The following CSNK1A1 variants were observed in gnomAD, a reference collection of about 807,000 sequenced individuals.
The protein encoded by CSNK1A1 is casein kinase 1 alpha 1.
In CSNK1A1, 7 loss-of-function variants were observed where a neutral mutation model predicts 46.1. The observed-to-expected ratio is 0.15, with a 90% CI of 0.09 to 0.29. The LOEUF (loss-of-function observed/expected upper bound fraction) is 0.29, where lower values mean the gene tolerates loss of function less well. Among genes scored for constraint, CSNK1A1 ranks in the 10% least tolerant of loss-of-function variants. CSNK1A1 has a pLI of 1.00. For missense variants in CSNK1A1, 96 were observed against 417.1 expected (o/e 0.23, Z 6.71); for synonymous variants, 137 against 141.5 (o/e 0.97, Z 0.23).
Position 149,544,735 on chromosome 5 carries a change from CTTTATATATA to C in CSNK1A1, c.230+5330_230+5339del, listed in dbSNP as rs1301089394. ...AAGTGAGGATGATGAGGGTAAAGAG[CTTTATATATA>C]TATATATATATATATATATAGTTAT... On this transcript the variant is annotated intron_variant, in intron 2 of 9. Transcript: ENST00000377843. Among the ~76,000 whole-genome samples, 45 of 21,690 alleles carry C rather than the reference CTTTATATATA, an allele frequency of 2.1e-3. 5 individuals are homozygous for C. Among genetic ancestry groups the C allele is most frequent in the African/African-American group, 0.01 (45 of 4,334 alleles). 14.2% of individuals were successfully genotyped at this position (21,690 alleles called of 152,430 possible). A position where few individuals can be genotyped will look rare whatever the true frequency, so the allele number is the denominator to read the frequency against.
chr5:149,511,976 C>T (rs1761238757), intron 5 of CSNK1A1, 104 bp from the exon 6 acceptor site: 1 of 851,524 alleles, frequency 1.2e-6, no homozygotes, highest in South Asian at 1.7e-5. Context: ...GAGGAGGGAA[C>T]ACTATTTGGT....
At position 149,550,741 on chromosome 5, in the gene CSNK1A1, G is replaced by T; in HGVS notation, c.123+101C>A. 6.6e-7 allele frequency: 1 copy of T among 1,517,824 alleles called. No homozygotes were observed. Among genetic ancestry groups the T allele is most frequent in the Non-Finnish European group, 9.0e-7 (1 of 1,115,504 alleles). 94.0% of individuals were successfully genotyped at this position (1,517,824 alleles called of 1,614,324 possible). A position where few individuals can be genotyped will look rare whatever the true frequency, so the allele number is the denominator to read the frequency against. ...GCTCCCTGGACTCCCTGGCGAGTGC[G>T]TGCGATGAGGAGAGGCCCGAGCACT... On this transcript the variant is annotated intron_variant, in intron 1 of 9. Coordinates refer to ENST00000377843, the MANE Select transcript of CSNK1A1 (RefSeq NM_001892.6). This position sits in a 1 kb window ranked among gnomAD's most constrained non-coding sequence, Gnocchi z 4.3.
chr5:149,526,283 G>A (rs376696552), intron 2 of CSNK1A1, among the ~76,000 whole-genome samples: 16 of 152,076 alleles, frequency 1.1e-4, no homozygotes, highest in African/African-American at 3.1e-4. Context: ...GACCACAGGC[G>A]TGCCATCATG....
intron 2 of CSNK1A1, among the ~76,000 whole-genome samples, chr5:149,540,666 T>C (rs1274814536): frequency 6.6e-6 from 1 of 151,744 alleles, no homozygotes; most frequent in Admixed American, 6.6e-5. Flanking sequence ...ATAAATAAAA[T>C]AAAACTAACA....
rs1335440715 is a variant in CSNK1A1, at chr5:149,495,862, G to A, written c.*991C>T. 6.6e-6 allele frequency: 1 copy of A among 151,510 alleles called. No individual in the cohort carries two copies. The highest frequency in any genetic ancestry group is 1.5e-5 in the Non-Finnish European group (1 of 67,848). The allele number at this position is 151,510 out of a possible 1,614,324, so 9.4% of individuals were successfully genotyped here. On this transcript the variant is annotated 3_prime_UTR_variant, in exon 10 of 10. Coordinates refer to ENST00000377843, the MANE Select transcript of CSNK1A1 (RefSeq NM_001892.6). ...AAAGTTATAACACGAAACCTAAATT[G>A]ACTTGCAAAGGAATACCATGTAACA...
At chr5:149,545,894 C>CTTT (rs201438979) in intron 2 of CSNK1A1, 3 of 233,396 alleles carry the variant, frequency 1.3e-5, no homozygotes, top group East Asian at 2.5e-4. Flanking sequence ...CTTATCCTTG[C>CTTT]TTTTTTTTTT....
At chr5:149,535,759 A>T (rs1398224343) in intron 2 of CSNK1A1, among the ~76,000 whole-genome samples, 3 of 152,242 alleles carry the variant, frequency 2.0e-5, no homozygotes, top group Non-Finnish European at 2.9e-5. Flanking sequence ...CTCCTGCCTC[A>T]GCCTCCTGAG....
chr5:149,533,650 A>T (rs1042311655), intron 2 of CSNK1A1, among the ~76,000 whole-genome samples: 4 of 152,008 alleles, frequency 2.6e-5, no homozygotes, highest in African/African-American at 9.7e-5. Context: ...CAAAGATCAC[A>T]AATAATTGAG....
At chr5:149,542,612 A>G (rs192072277) in intron 2 of CSNK1A1, among the ~76,000 whole-genome samples, 24 of 11,488 alleles carry the variant, frequency 2.1e-3, no homozygotes, top group African/African-American at 4.7e-3. Context: ...ATATATATAT[A>G]TATATATATA....
intron 7 of CSNK1A1, among the ~76,000 whole-genome samples, chr5:149,507,392 A>G (rs930394316): frequency 1.8e-4 from 27 of 152,074 alleles, no homozygotes; most frequent in African/African-American, 5.8e-4. Context: ...ATACAGTACT[A>G]TGTTCTTAAA....
At position 149,551,060 on chromosome 5, in the gene CSNK1A1, G is replaced by C; in HGVS notation, c.-96C>G. The C allele has an allele frequency of 7.1e-7, 1 of 1,417,134 alleles. No homozygotes were observed. The highest frequency in any genetic ancestry group is 2.0e-5 in the Admixed American group (1 of 50,708). The allele number at this position is 1,417,134 out of a possible 1,614,324, so 87.8% of individuals were successfully genotyped here. A position where few individuals can be genotyped will look rare whatever the true frequency, so the allele number is the denominator to read the frequency against. ...TCCTACACTAGGCAAGGCTACGGAG[G>C]AGGGCGGCAGGAAACGGAACACGGA... On this transcript the variant is annotated 5_prime_UTR_variant, in exon 1 of 10. Transcript: ENST00000377843.
chr5:149,513,707 C>T (rs1327851642), intron 4 of CSNK1A1, among the ~76,000 whole-genome samples: 2 of 152,094 alleles, frequency 1.3e-5, no homozygotes, highest in African/African-American at 2.4e-5. Flanking sequence ...CAAGACCAGC[C>T]TGACCAAACA....
rs1761278624 is a variant in CSNK1A1 at position 149,512,990 on chromosome 5, G to GTTCC, written c.596+79_596+80insGGAA. The GTTCC allele has an allele frequency of 7.9e-6, 12 of 1,518,992 alleles. No homozygotes were observed. In the South Asian group the frequency reaches 1.5e-4, roughly 18 times the overall value. 94.1% of individuals were successfully genotyped at this position (1,518,992 alleles called of 1,614,324 possible). The stretch of plus-strand genomic sequence containing the variant: ...CAGCCAAGAAACATCCTTAGACATT[G>GTTCC]TAAGAAACTAAAATATTTCAAAAAC... On this transcript the variant is annotated intron_variant, in intron 5 of 9. Transcript: ENST00000377843.
intron 3 of CSNK1A1, 45 bp from the exon 4 acceptor site, chr5:149,520,433 G>T: frequency 9.4e-7 from 1 of 1,068,096 alleles, no homozygotes; most frequent in Non-Finnish European, 1.4e-6. Flanking sequence ...AGTAGTAAAT[G>T]AAAATCAACA....
At chr5:149,502,240 A>G in intron 9 of CSNK1A1, 1 of 946,780 alleles carries the variant, frequency 1.1e-6, no homozygotes, top group Non-Finnish European at 1.3e-6. Context: ...ATTTTCCTAC[A>G]TTAGAGATTT....
intron 2 of CSNK1A1, among the ~76,000 whole-genome samples, chr5:149,544,433 CAGG>C (rs764783692): frequency 2.0e-5 from 3 of 151,802 alleles, no homozygotes; most frequent in Admixed American, 6.6e-5. Flanking sequence ...GAGGCTGAGG[CAGG>C]AGAAGTACTT....
chr5:149,524,311 A>G (rs1251885408), intron 3 of CSNK1A1, among the ~76,000 whole-genome samples: 1 of 152,178 alleles, frequency 6.6e-6, no homozygotes, highest in African/African-American at 2.4e-5. Flanking sequence ...AAGCATTTCC[A>G]GCATTTTCCT....
At chr5:149,511,984 G>T in intron 5 of CSNK1A1, 112 bp from the exon 6 acceptor site, 1 of 753,020 alleles carries the variant, frequency 1.3e-6, no homozygotes, top group Non-Finnish European at 2.1e-6. Flanking sequence ...AACACTATTT[G>T]GTGTCTTACG....
At chr5:149,520,619 G>A (rs1378493795) in intron 3 of CSNK1A1, among the ~76,000 whole-genome samples, 2 of 152,128 alleles carry the variant, frequency 1.3e-5, no homozygotes, top group African/African-American at 2.4e-5. Context: ...TAAAACCATG[G>A]CAGGGTCTAA....
Sources: gnomAD v4.1 joint callset for allele counts (sites outside exome capture counted in the v4.1 genomes callset) on GRCh38, gnomAD v4.1.1 for gene constraint, Gnocchi (gnomAD v3.1) non-coding constraint, MANE v1.5 for transcripts, NCBI Gene and HGNC (gene_info 2026-07-23, HGNC 2026-07-21) for gene names.